The following TANC2 variants were observed in gnomAD, a reference collection of about 807,000 sequenced individuals.
TANC2 encodes the protein tetratricopeptide repeat, ankyrin repeat and coiled-coil containing 2.
Under a neutral mutation model 210.5 loss-of-function variants are expected in TANC2, and 26 were observed. That is an observed-to-expected ratio of 0.12 (90% CI 0.09 to 0.17). The LOEUF is 0.17. TANC2 is among the 10% of genes least tolerant of loss of function. TANC2 has a pLI of 1.00. For missense variants in TANC2, 2,129 were observed against 2,608.9 expected (o/e 0.82, Z 4.01); for synonymous variants, 931 against 967.1 (o/e 0.96, Z 0.69).
intron 9 of TANC2, among the ~76,000 whole-genome samples, chr17:63,290,478 G>C (rs1408253637): frequency 1.3e-5 from 2 of 152,138 alleles, no homozygotes; most frequent in Non-Finnish European, 2.9e-5. Context: ...TTAGGATGAA[G>C]TGGTGACTTC....
chr17:63,049,673 T>C (rs1010295983), intron 2 of TANC2, among the ~76,000 whole-genome samples: 1 of 152,168 alleles, frequency 6.6e-6, no homozygotes, highest in African/African-American at 2.4e-5. Context: ...GAGAAACCTT[T>C]GGAGGGTTTT....
chr17:63,118,724 C>T (rs1003834474), intron 4 of TANC2, among the ~76,000 whole-genome samples: 3 of 152,036 alleles, frequency 2.0e-5, no homozygotes, highest in African/African-American at 7.2e-5. Flanking sequence ...ATCCTCCTCC[C>T]TCACCCTATT....
At position 62,993,085 on chromosome 17, in the gene TANC2, T is replaced by A. The variant is rs1333114954; in HGVS notation, c.-23-16452T>A. 2.0e-5 allele frequency among the ~76,000 whole-genome samples: 3 copies of A among 152,212 alleles called. No homozygotes were observed. In the East Asian group the frequency reaches 5.8e-4, roughly 29 times the overall value. ...CCTCTTCTGATGCTTCTACTTCCCTTTTCCATTTTTTAATGACATTTGTGA... is the reference window on the plus strand; with the variant it reads ...CCTCTTCTGATGCTTCTACTTCCCTATTCCATTTTTTAATGACATTTGTGA... On this transcript the variant is annotated intron_variant, in intron 1 of 27. Transcript: ENST00000689528.
intron 5 of TANC2, among the ~76,000 whole-genome samples, chr17:63,163,739 T>A (rs1055435839): frequency 6.6e-6 from 1 of 152,212 alleles, no homozygotes; most frequent in African/African-American, 2.4e-5. Flanking sequence ...CCTGTATTCA[T>A]AGACCTCGTA....
chr17:63,407,511 A>G (rs2048550971), intron 21 of TANC2, among the ~76,000 whole-genome samples: 1 of 152,232 alleles, frequency 6.6e-6, no homozygotes, highest in Non-Finnish European at 1.5e-5. Context: ...CATAGATTCC[A>G]GGTATTTGTT....
At chr17:62,988,789 C>T (rs980902387) in intron 1 of TANC2, among the ~76,000 whole-genome samples, 1 of 152,160 alleles carries the variant, frequency 6.6e-6, no homozygotes, top group African/African-American at 2.4e-5. Context: ...AATCAGCACT[C>T]AGGTATGGCT....
chr17:63,350,878 A>G (rs1354677543), intron 12 of TANC2, among the ~76,000 whole-genome samples: 58 of 35,406 alleles, frequency 1.6e-3, no homozygotes, highest in African/African-American at 3.6e-3. Context: ...CAGATAGGGA[A>G]AAAAAAAAAA....
chr17:63,381,474 T>C (rs2047606428), intron 15 of TANC2: 1 of 152,234 alleles, frequency 6.6e-6, no homozygotes, highest in African/African-American at 2.4e-5. Context: ...CCCAAACTGC[T>C]AGAATTCTCA....
chr17:63,324,934 A>G (rs2045599203), intron 11 of TANC2, among the ~76,000 whole-genome samples: 1 of 152,100 alleles, frequency 6.6e-6, no homozygotes, highest in Non-Finnish European at 1.5e-5. Flanking sequence ...ACTTAAAGCC[A>G]TCAAATAGCT....
chr17:63,099,060 T>C (rs893020373), intron 3 of TANC2, 115 bp from the exon 4 acceptor site: 1 of 1,083,316 alleles, frequency 9.2e-7, no homozygotes, highest in Non-Finnish European at 1.4e-6. Flanking sequence ...GTGAAAATAC[T>C]TTGATTTTTC....
chr17:63,349,482 G>A (rs1345353778), intron 12 of TANC2, among the ~76,000 whole-genome samples: 2 of 152,154 alleles, frequency 1.3e-5, no homozygotes, highest in African/African-American at 2.4e-5. Context: ...ATTGAAGGGC[G>A]GGGACAGTGG....
chr17:63,199,212 A>G (rs1555604113), intron 6 of TANC2, among the ~76,000 whole-genome samples: 1 of 152,032 alleles, frequency 6.6e-6, no homozygotes, highest in Non-Finnish European at 1.5e-5. Flanking sequence ...ATGAATAGAG[A>G]CTCTATTTGT....
chr17:63,363,084 A>G (rs2047012633), intron 14 of TANC2, among the ~76,000 whole-genome samples: 1 of 152,206 alleles, frequency 6.6e-6, no homozygotes, highest in East Asian at 1.9e-4. Flanking sequence ...ATGAGATGAT[A>G]TCTCGTGGTA....
intron 7 of TANC2, among the ~76,000 whole-genome samples, chr17:63,234,185 C>T (rs1442286543): frequency 6.6e-6 from 1 of 152,116 alleles, no homozygotes; most frequent in Non-Finnish European, 1.5e-5. Context: ...GCACCTATTC[C>T]CCTACCACAA....
intron 5 of TANC2, among the ~76,000 whole-genome samples, chr17:63,164,666 C>G (rs887633739): frequency 7.2e-5 from 11 of 152,102 alleles, no homozygotes; most frequent in African/African-American, 2.7e-4. Context: ...CAGTCCAAAA[C>G]CAAAGGCTTG....
At chr17:63,369,312 G>A (rs2047197122) in intron 14 of TANC2, among the ~76,000 whole-genome samples, 1 of 152,140 alleles carries the variant, frequency 6.6e-6, no homozygotes, top group Non-Finnish European at 1.5e-5. Flanking sequence ...TTTATGGTGG[G>A]CTCTGGTAGG....
chr17:63,175,547 A>G (rs1397063783), intron 5 of TANC2, among the ~76,000 whole-genome samples: 1 of 151,828 alleles, frequency 6.6e-6, no homozygotes. Flanking sequence ...AAAAAAAAAA[A>G]AAAAAAAAGA....
At chr17:63,044,370 A>G (rs574602395) in intron 2 of TANC2, among the ~76,000 whole-genome samples, 33 of 152,204 alleles carry the variant, frequency 2.2e-4, no homozygotes, top group Non-Finnish European at 4.4e-4. Flanking sequence ...CATTTCCTCT[A>G]TGTCATTCTG....
chr17:63,248,886 TC>T (rs1203949522), intron 8 of TANC2, among the ~76,000 whole-genome samples: 1 of 152,144 alleles, frequency 6.6e-6, no homozygotes, highest in Non-Finnish European at 1.5e-5. Flanking sequence ...AAAATATTTT[TC>T]TAAGCTTTTA....
Sources: allele counts gnomAD v4.1 joint callset (sites outside exome capture counted in the v4.1 genomes callset), GRCh38; gene constraint gnomAD v4.1.1; transcripts MANE v1.5; gene names NCBI Gene and HGNC (gene_info 2026-07-23, HGNC 2026-07-21).